SLC1A2: variants seen among roughly 807,000 people sequenced by gnomAD.
SLC1A2 encodes excitatory amino acid transporter 2.
Under a neutral mutation model 48.8 loss-of-function variants are expected in SLC1A2, and 15 were observed. That is an observed-to-expected ratio of 0.31 (90% CI 0.21 to 0.47). SLC1A2 has a LOEUF of 0.47. Ranked by LOEUF, SLC1A2 falls within the 20% of genes least tolerant of loss-of-function variation. The pLI is 0.99. For synonymous variants in SLC1A2, 279 were observed against 272.6 expected (o/e 1.02, Z -0.23); for missense variants, 502 against 730.5 (o/e 0.69, Z 3.61).
At chr11:35,396,608 T>C (rs1451806506) in intron 1 of SLC1A2, among the ~76,000 whole-genome samples, 1 of 152,094 alleles carries the variant, frequency 6.6e-6, no homozygotes, top group Non-Finnish European at 1.5e-5. Flanking sequence ...TTGGGAAAAT[T>C]TTCTCCCATT....
intron 1 of SLC1A2, among the ~76,000 whole-genome samples, chr11:35,328,418 C>G (rs558933395): frequency 6.6e-6 from 1 of 152,276 alleles, no homozygotes; most frequent in Admixed American, 6.5e-5. Context: ...TTTTCTAAGT[C>G]TTCTTATATA....
rs1174423626 is a variant in SLC1A2, at chr11:35,408,580, C to A, written c.17+10370G>T. Among the ~76,000 whole-genome samples, 4 of 152,272 alleles carry A rather than the reference C, an allele frequency of 2.6e-5. No individual in the cohort carries two copies. In the East Asian group the frequency reaches 7.7e-4, roughly 29 times the overall value. ...CCTCAGCCATGTGGAACTGTAAGTCCAATTAAACCTCTTTTTATTCCCAGT... is the reference window on the plus strand; with the variant it reads ...CCTCAGCCATGTGGAACTGTAAGTCAAATTAAACCTCTTTTTATTCCCAGT... On this transcript the variant is annotated intron_variant, in intron 1 of 10. Transcript: ENST00000278379.
At chr11:35,406,871 G>T (rs3945930) in intron 1 of SLC1A2, among the ~76,000 whole-genome samples, 1 of 151,938 alleles carries the variant, frequency 6.6e-6, no homozygotes, top group Non-Finnish European at 1.5e-5. Flanking sequence ...GCCTGAAATA[G>T]AAACATACAT....
At chr11:35,309,925 T>A (rs768102434) in intron 4 of SLC1A2, among the ~76,000 whole-genome samples, 3 of 152,142 alleles carry the variant, frequency 2.0e-5, no homozygotes, top group Non-Finnish European at 2.9e-5. Flanking sequence ...TCAGTCCTCA[T>A]ATGAATTTTG....
At chr11:35,303,850 T>G (rs1420466067) in intron 5 of SLC1A2, among the ~76,000 whole-genome samples, 1 of 152,128 alleles carries the variant, frequency 6.6e-6, no homozygotes, top group East Asian at 1.9e-4. Context: ...GTATCTTCAC[T>G]TATTGCAAGT....
chr11:35,413,561 A>G (rs988257065), intron 1 of SLC1A2: 1 of 152,202 alleles, frequency 6.6e-6, no homozygotes, highest in Non-Finnish European at 1.5e-5. Context: ...TTTTAAGAGA[A>G]GCCAGAATCA....
intron 1 of SLC1A2, chr11:35,390,914 C>A (rs778510091): frequency 1.3e-5 from 2 of 152,188 alleles, no homozygotes; most frequent in Non-Finnish European, 1.5e-5. Flanking sequence ...GATCTGCCCG[C>A]CTCGGCCTCC....
intron 6 of SLC1A2, among the ~76,000 whole-genome samples, chr11:35,296,234 T>C (rs1591440164): frequency 6.6e-6 from 1 of 152,134 alleles, no homozygotes; most frequent in Non-Finnish European, 1.5e-5. Context: ...GGAGTGGAGG[T>C]AAGCTGAGGG....
At chr11:35,292,233 G>C (rs1565218913) in intron 7 of SLC1A2, 54 bp downstream of exon 7, 2 of 1,280,420 alleles carry the variant, frequency 1.6e-6, no homozygotes, top group Non-Finnish European at 2.2e-6. Context: ...ATGAGAAATG[G>C]CAAAGAGGGC....
chr11:35,312,143 T>C (rs1851727150), intron 4 of SLC1A2, 55 bp downstream of exon 4: 3 of 1,581,444 alleles, frequency 1.9e-6, no homozygotes, highest in Non-Finnish European at 2.6e-6. Context: ...TCTTAAGTTA[T>C]CGCCTTGATA....
In SLC1A2 at chr11:35,260,602, A is replaced by G; in HGVS notation, c.*292T>C. 1 of 366,048 alleles carries G rather than the reference A, an allele frequency of 2.7e-6. No homozygotes were observed. The highest frequency in any genetic ancestry group is 5.0e-6 in the Non-Finnish European group (1 of 198,706). The allele number at this position is 366,048 out of a possible 1,614,324, so 22.7% of individuals were successfully genotyped here. A position where few individuals can be genotyped will look rare whatever the true frequency, so the allele number is the denominator to read the frequency against. On this transcript the variant is annotated 3_prime_UTR_variant, in exon 11 of 11. Transcript: ENST00000278379. ...CCACATTTCTGCATCTTGGGAGAAAAGGGAAGCTGGCAAGAACGTGTCTTC... is the reference window on the plus strand; with the variant it reads ...CCACATTTCTGCATCTTGGGAGAAAGGGGAAGCTGGCAAGAACGTGTCTTC...
chr11:35,414,377 G>A (rs1328430427), intron 1 of SLC1A2, among the ~76,000 whole-genome samples: 7 of 152,132 alleles, frequency 4.6e-5, no homozygotes, highest in African/African-American at 1.4e-4. Flanking sequence ...GATTTATAAT[G>A]AGATGCTAGT....
intron 1 of SLC1A2, among the ~76,000 whole-genome samples, chr11:35,380,746 T>G (rs1318156848): frequency 6.6e-6 from 1 of 152,214 alleles, no homozygotes; most frequent in Non-Finnish European, 1.5e-5. Flanking sequence ...GGGGAGTGTG[T>G]GGGTGTCTGC....
intron 1 of SLC1A2, among the ~76,000 whole-genome samples, chr11:35,383,668 A>T (rs1475096040): frequency 6.6e-6 from 1 of 152,260 alleles, no homozygotes; most frequent in Non-Finnish European, 1.5e-5. Flanking sequence ...CATTTAAAAC[A>T]ATGCCTGGCA....
intron 1 of SLC1A2, among the ~76,000 whole-genome samples, chr11:35,388,654 CA>C (rs1317567648): frequency 3.3e-5 from 5 of 152,202 alleles, no homozygotes; most frequent in African/African-American, 1.2e-4. Flanking sequence ...CTCGGCCTCC[CA>C]AAGTGCTGGG....
In SLC1A2 at chr11:35,418,982, C is replaced by T; in HGVS notation, c.-16G>A. The T allele has an allele frequency of 1.3e-6, 2 of 1,564,360 alleles. No individual in the cohort carries two copies. The highest frequency in any genetic ancestry group is 1.7e-6 in the Non-Finnish European group (2 of 1,152,872). On this transcript the variant is annotated 5_prime_UTR_variant, in exon 1 of 11. Transcript: ENST00000278379. ...TAGATGCCATGGTCTGGGGAACGCCCCCTCCTCTTCAGCACTATCCGGCAG... is the reference window on the plus strand; with the variant it reads ...TAGATGCCATGGTCTGGGGAACGCCTCCTCCTCTTCAGCACTATCCGGCAG...
At chr11:35,382,205 C>A (rs541505019) in intron 1 of SLC1A2, among the ~76,000 whole-genome samples, 1 of 152,236 alleles carries the variant, frequency 6.6e-6, no homozygotes, top group Non-Finnish European at 1.5e-5. Flanking sequence ...CACTGAATCA[C>A]CCACCACTTG....
At position 35,280,974 on chromosome 11, in the gene SLC1A2, G is replaced by A. The variant is rs760683483; in HGVS notation, c.1314C>T (p.Gly438=). The change falls in exon 9 of 11, where the codon GGC becomes GGT. Residue 438 remains glycine (G), a synonymous_variant. Transcript: ENST00000278379. ...VSLTATLASV[G]AASIPSAGLV... ...GCCCGGCACTGGGGATACTGGCCGC[G>A]CCGACGCTTGCCAGGGTGGCTGTGA... The A allele has an allele frequency of 5.2e-5, 83 of 1,610,334 alleles. No individual in the cohort carries two copies. The highest frequency in any genetic ancestry group is 6.2e-5 in the Non-Finnish European group (73 of 1,178,584).
At position 35,262,640 on chromosome 11, in the gene SLC1A2, C is replaced by T. The variant is rs114224808; in HGVS notation, c.1654-1675G>A. ...ATCCTCAGAAAGGGTGTAAATTTAT[C>T]TCCATGGCTCTGGCTGCCTCCTTCC... On this transcript the variant is annotated intron_variant, in intron 10 of 10. Transcript: ENST00000278379. 6.2e-3 allele frequency among the ~76,000 whole-genome samples: 937 copies of T among 152,356 alleles called. 14 individuals are homozygous for T. Among genetic ancestry groups the T allele is most frequent in the African/African-American group, 0.021 (885 of 41,584 alleles).
Sources: gnomAD v4.1 joint callset for allele counts (sites outside exome capture counted in the v4.1 genomes callset) on GRCh38, gnomAD v4.1.1 for gene constraint, MANE v1.5 for transcripts, NCBI Gene and HGNC (gene_info 2026-07-23, HGNC 2026-07-21) for gene names.